NAT1: variants seen among roughly 807,000 people sequenced by gnomAD.
NAT1 encodes N-acetyltransferase 1.
For synonymous variants in NAT1, 144 were observed against 122.6 expected, an observed-to-expected ratio of 1.17 and a Z score of -1.16; for missense variants, 400 against 339.2, an observed-to-expected ratio of 1.18 and a Z score of -1.41.
chr8:18,187,253 A>C (rs1802776431), intron 2 of NAT1, among the ~76,000 whole-genome samples: 1 of 152,198 alleles, frequency 6.6e-6, no homozygotes, highest in Non-Finnish European at 1.5e-5. Context: ...TGCTGGTAGG[A>C]GTGTAAATCA....
At chr8:18,178,824 T>A (rs1802391899) in intron 2 of NAT1, among the ~76,000 whole-genome samples, 1 of 151,964 alleles carries the variant, frequency 6.6e-6, no homozygotes, top group Non-Finnish European at 1.5e-5. Flanking sequence ...CTCCATTCAG[T>A]TTCCTCTCTG....
chr8:18,215,144 T>TC (rs374622688), intron 1 of NAT1, among the ~76,000 whole-genome samples: 64 of 152,362 alleles, frequency 4.2e-4, no homozygotes, highest in African/African-American at 1.3e-3. Context: ...ATGATCTTGT[T>TC]CTTTTTCGTG....
intron 2 of NAT1, among the ~76,000 whole-genome samples, chr8:18,171,893 G>T (rs781291225): frequency 6.6e-6 from 1 of 152,166 alleles, no homozygotes; most frequent in African/African-American, 2.4e-5. Context: ...AACTGGTAGC[G>T]ATCTTCTCTG....
chr8:18,222,246 T>A lies in NAT1; in HGVS notation c.199T>A (p.Trp67Arg). The A allele has an allele frequency of 1.2e-6, 2 of 1,614,082 alleles. No homozygotes were observed. The highest frequency in any genetic ancestry group is 1.7e-6 in the Non-Finnish European group (2 of 1,180,002). ...AGTTGTGAGAAGAAATCGGGGTGGA[T>A]GGTGTCTCCAGGTCAATCATCTTCT... ...DQVVRRNRGG[W>R]CLQVNHLLYW... The change falls in exon 3 of 3, where the codon TGG (tryptophan) becomes AGG (arginine). Residue 67 changes from tryptophan to arginine, a missense_variant. By Grantham distance (101) the Trp-to-Arg change is moderately radical. Transcript: ENST00000307719.
At chr8:18,173,101 G>C (rs994798472) in intron 2 of NAT1, among the ~76,000 whole-genome samples, 8 of 151,844 alleles carry the variant, frequency 5.3e-5, no homozygotes, top group African/African-American at 1.9e-4. Flanking sequence ...CTCTGACTGG[G>C]CTCTCCTGGC....
At chr8:18,199,246 G>A (rs547868522) in intron 2 of NAT1, among the ~76,000 whole-genome samples, 2 of 151,262 alleles carry the variant, frequency 1.3e-5, no homozygotes, top group East Asian at 3.9e-4. Context: ...CCCAGGAGGT[G>A]GAGTTTGCAG....
At chr8:18,206,272 G>C (rs1268342589), upstream of NAT1, among the ~76,000 whole-genome samples, 4 of 152,126 alleles carry the variant, frequency 2.6e-5, no homozygotes, top group Admixed American at 2.6e-4. Flanking sequence ...GGGTTCCCAG[G>C]TTTCCCCCTC....
At position 18,223,079 on chromosome 8, in the gene NAT1, C is replaced by G. The variant is rs1345950224; in HGVS notation, c.*159C>G. ...AATGTCATCATATATAATTAAACAG[C>G]TTTTTAAAGAAACATAACCACAAAC... On this transcript the variant is annotated 3_prime_UTR_variant, in exon 3 of 3. Transcript: ENST00000307719. The G allele has an allele frequency of 8.3e-6, 3 of 362,238 alleles. No individual in the cohort carries two copies. The Admixed American group carries it at 1.5e-4, about 18-fold the overall frequency. The allele number at this position is 362,238 out of a possible 1,614,324, so 22.4% of individuals were successfully genotyped here. A position where few individuals can be genotyped will look rare whatever the true frequency, so the allele number is the denominator to read the frequency against.
At chr8:18,219,969 T>C (rs955196865) in intron 2 of NAT1, among the ~76,000 whole-genome samples, 2 of 152,132 alleles carry the variant, frequency 1.3e-5, no homozygotes, top group Non-Finnish European at 2.9e-5. Context: ...AAAAGAGATA[T>C]AAAGTAATTT....
In NAT1 at chr8:18,222,515, T is replaced by G; in HGVS notation, c.468T>G (p.Asn156Lys). The change falls in exon 3 of 3, where the codon AAT (asparagine) becomes AAG (lysine). Residue 156 changes from asparagine to lysine, a missense_variant. Asn to Lys is a moderately conservative substitution (Grantham distance 94). Transcript: ENST00000307719. The part of the protein sequence containing the change: ...VPCVFRLTEE[N>K]GFWYLDQIRR... ...GTGTCTTCCGTTTGACGGAAGAGAA[T>G]GGATTCTGGTATCTAGACCAAATCA... 6.2e-7 allele frequency: 1 copy of G among 1,614,154 alleles called. No homozygotes were observed. The highest frequency in any genetic ancestry group is 8.5e-7 in the Non-Finnish European group (1 of 1,180,012).
chr8:18,222,119 A>G lies in NAT1; in HGVS notation c.72A>G (p.Leu24=). 1 of 1,614,136 alleles carries G rather than the reference A, an allele frequency of 6.2e-7. No individual in the cohort carries two copies. The part of the protein sequence containing the change: ...KSRNKLDLET[L]TDILQHQIRA... The stretch of plus-strand genomic sequence containing the variant: ...GGAACAAATTGGACTTGGAAACATT[A>G]ACTGACATTCTTCAACACCAGATCC... The change falls in exon 3 of 3, where the codon TTA becomes TTG. Residue 24 remains leucine, a synonymous_variant. Coordinates refer to ENST00000307719, the MANE Select transcript of NAT1 (RefSeq NM_000662.8).
intron 2 of NAT1, among the ~76,000 whole-genome samples, chr8:18,182,192 G>A (rs1428492039): frequency 2.0e-5 from 3 of 152,162 alleles, no homozygotes; most frequent in African/African-American, 2.4e-5. Context: ...TCTTTTGAAG[G>A]TGTCTTCTTG....
upstream of NAT1, among the ~76,000 whole-genome samples, chr8:18,205,933 A>G (rs1803697400): frequency 6.6e-6 from 1 of 152,184 alleles, no homozygotes; most frequent in South Asian, 2.1e-4. Flanking sequence ...ACCACCCTGC[A>G]GAGTTCAGGA....
intron 2 of NAT1, among the ~76,000 whole-genome samples, chr8:18,193,231 C>T (rs1447900615): frequency 6.7e-6 from 1 of 149,978 alleles, no homozygotes; most frequent in Non-Finnish European, 1.5e-5. Flanking sequence ...GTGTGTGCCA[C>T]CACACCTGGC....
At chr8:18,206,553 C>T (rs535888303), upstream of NAT1, among the ~76,000 whole-genome samples, 2 of 152,100 alleles carry the variant, frequency 1.3e-5, no homozygotes, top group Admixed American at 6.5e-5. Context: ...AGCAATTAGT[C>T]GAGAAAAAAA....
At chr8:18,216,916 A>G in intron 1 of NAT1, 2 of 1,551,286 alleles carry the variant, frequency 1.3e-6, no homozygotes, top group Non-Finnish European at 1.7e-6. Flanking sequence ...CTCTTACACA[A>G]GGAGGCAGCC....
At chr8:18,199,317 C>CAAAA in intron 2 of NAT1, among the ~76,000 whole-genome samples, 1 of 87,480 alleles carries the variant, frequency 1.1e-5, no homozygotes, top group Admixed American at 1.3e-4. Context: ...GACTCTGTCT[C>CAAAA]AAAAAAAAAA....
chr8:18,202,422 C>T (rs1010034955), intron 2 of NAT1, among the ~76,000 whole-genome samples: 2 of 152,158 alleles, frequency 1.3e-5, no homozygotes, highest in Non-Finnish European at 2.9e-5. Context: ...CTATTGTGTC[C>T]GGAATTTATT....
intron 2 of NAT1, among the ~76,000 whole-genome samples, chr8:18,180,325 C>T (rs1802463323): frequency 6.6e-6 from 1 of 152,020 alleles, no homozygotes; most frequent in Admixed American, 6.6e-5. Context: ...TGACTAGGGT[C>T]TGAGGGGTTG....
Sources: gnomAD v4.1 joint callset for allele counts (sites outside exome capture counted in the v4.1 genomes callset) on GRCh38, gnomAD v4.1.1 for gene constraint, MANE v1.5 for transcripts, NCBI Gene and HGNC (gene_info 2026-07-23, HGNC 2026-07-21) for gene names.